Variants in ULK4 observed in about 807,000 individuals in gnomAD.
ULK4 encodes unc-51 like kinase 4.
ULK4 carries 133 observed loss-of-function variants against 160.6 expected under a neutral mutation model. That is an observed-to-expected ratio of 0.83 (90% CI 0.72 to 0.96). The LOEUF is 0.96. ULK4 is among the 40% of genes least tolerant of loss of function. The probability of loss-of-function intolerance (pLI) is 0.00; values close to 1 mark genes in which losing one functional copy is unlikely to be tolerated. For synonymous variants in ULK4, 534 were observed against 539.8 expected, an observed-to-expected ratio of 0.99 and a Z score of 0.15; for missense variants, 1,580 against 1,499.5, an observed-to-expected ratio of 1.05 and a Z score of -0.89.
chr3:41,423,190 A>G (rs2082699458), intron 34 of ULK4, among the ~76,000 whole-genome samples: 1 of 152,214 alleles, frequency 6.6e-6, no homozygotes, highest in African/African-American at 2.4e-5. Context: ...AAAGGATGCA[A>G]GGACACATGC....
At chr3:41,832,276 T>C (rs1189407937) in intron 18 of ULK4, among the ~76,000 whole-genome samples, 1 of 152,244 alleles carries the variant, frequency 6.6e-6, no homozygotes, top group African/African-American at 2.4e-5. Context: ...TTGATTTGCA[T>C]TTCTCTAATC....
chr3:41,660,311 A>C (rs903967289), intron 30 of ULK4, among the ~76,000 whole-genome samples: 6 of 152,050 alleles, frequency 3.9e-5, no homozygotes, highest in African/African-American at 1.5e-4. Context: ...AAAAAAGAAG[A>C]GAGAAAAGAA....
intron 34 of ULK4, among the ~76,000 whole-genome samples, chr3:41,443,002 T>C (rs1261354120): frequency 3.3e-5 from 5 of 152,210 alleles, no homozygotes; most frequent in East Asian, 1.9e-4. Flanking sequence ...CTTTCTAATA[T>C]GGCTCAACTC....
chr3:41,835,634 A>G (rs866153021), intron 18 of ULK4, among the ~76,000 whole-genome samples: 4 of 152,326 alleles, frequency 2.6e-5, no homozygotes, highest in Middle Eastern at 3.4e-3. Flanking sequence ...AACCACCTAC[A>G]TTCTAAAGGA....
At chr3:41,587,223 G>T (rs2125638903) in intron 31 of ULK4, among the ~76,000 whole-genome samples, 1 of 152,184 alleles carries the variant, frequency 6.6e-6, no homozygotes, top group East Asian at 1.9e-4. Context: ...TTGCTCCCTG[G>T]ACCCTTCCAT....
intron 17 of ULK4, among the ~76,000 whole-genome samples, chr3:41,881,736 C>T (rs964599841): frequency 4.6e-5 from 7 of 151,932 alleles, no homozygotes; most frequent in Non-Finnish European, 7.4e-5. Flanking sequence ...TCTTGCATTT[C>T]GAACTAATAA....
intron 34 of ULK4, among the ~76,000 whole-genome samples, chr3:41,419,404 T>C (rs1240852503): frequency 1.3e-5 from 2 of 152,062 alleles, no homozygotes; most frequent in South Asian, 2.1e-4. Flanking sequence ...ACTCAGACAC[T>C]CTCGTGGAGG....
intron 21 of ULK4, among the ~76,000 whole-genome samples, chr3:41,780,982 A>G (rs1159460881): frequency 6.9e-6 from 1 of 145,750 alleles, no homozygotes; most frequent in Non-Finnish European, 1.6e-5. Flanking sequence ...AGATATAAAG[A>G]AAGAGAGGTA....
intron 6 of ULK4, 55 bp from the exon 7 acceptor site, chr3:41,918,595 C>CTTTTTT (rs36064862): frequency 7.1e-5 from 16 of 226,788 alleles, no homozygotes; most frequent in Middle Eastern, 1.6e-3. Context: ...ACCAATAATT[C>CTTTTTT]TTTTTTTTTT....
intron 2 of ULK4, among the ~76,000 whole-genome samples, chr3:41,949,749 CT>C (rs199711554): frequency 0.14 from 18,430 of 134,876 alleles, 1,284 homozygotes; most frequent in Middle Eastern, 0.33. Context: ...TTTTTTCTTT[CT>C]TTTTTTTTGA....
At chr3:41,650,863 A>G (rs1379737406) in intron 30 of ULK4, among the ~76,000 whole-genome samples, 2 of 152,250 alleles carry the variant, frequency 1.3e-5, no homozygotes, top group African/African-American at 2.4e-5. Context: ...CAGGAAAGCC[A>G]AAATTTATCA....
In ULK4 at chr3:41,754,400, A is replaced by G. The variant is rs758939469; in HGVS notation, c.2282T>C (p.Ile761Thr). 3.1e-6 allele frequency: 5 copies of G among 1,613,236 alleles called. No individual in the cohort carries two copies. The highest frequency in any genetic ancestry group is 2.2e-5 in the South Asian group (2 of 90,882). ...KAFLVLLYIL[I>T]YNREMLLLSC... is the part of the protein sequence containing the mutation. ...GAGCAGCAACATCTCACGGTTATAAATCAAAATATATAGAAGAACCAGGAA... is the reference window on the plus strand; with the variant it reads ...GAGCAGCAACATCTCACGGTTATAAGTCAAAATATATAGAAGAACCAGGAA... The change falls in exon 22 of 37, where the codon ATT becomes ACT. Residue 761 changes from isoleucine to threonine, a missense_variant. Physicochemically the swap from Ile to Thr is moderately conservative, Grantham distance 89. Transcript: ENST00000301831.
intron 32 of ULK4, among the ~76,000 whole-genome samples, chr3:41,533,407 T>C (rs1287050151): frequency 6.6e-6 from 1 of 152,248 alleles, no homozygotes; most frequent in East Asian, 1.9e-4. Flanking sequence ...CTCAAATTAT[T>C]TACTCACATG....
At chr3:41,323,752 T>G (rs2080290228) in intron 35 of ULK4, among the ~76,000 whole-genome samples, 1 of 151,082 alleles carries the variant, frequency 6.6e-6, no homozygotes, top group African/African-American at 2.4e-5. Flanking sequence ...TGTAAGGGGG[T>G]TGCATTAAGG....
intron 35 of ULK4, among the ~76,000 whole-genome samples, chr3:41,282,303 A>C (rs1214954495): frequency 2.6e-5 from 4 of 152,230 alleles, no homozygotes; most frequent in Non-Finnish European, 5.9e-5. Context: ...AAACTACTTT[A>C]AAGTTTATAT....
chr3:41,788,848 T>C (rs2040070291), intron 21 of ULK4, among the ~76,000 whole-genome samples: 1 of 152,328 alleles, frequency 6.6e-6, no homozygotes, highest in African/African-American at 2.4e-5. Context: ...ATCATTGCTT[T>C]CCAAATTTAT....
chr3:41,476,619 T>A (rs1312940407), intron 32 of ULK4, among the ~76,000 whole-genome samples: 3 of 152,152 alleles, frequency 2.0e-5, no homozygotes, highest in Non-Finnish European at 4.4e-5. Context: ...CTTTTTTTTT[T>A]ATTTTTTCCT....
intron 22 of ULK4, among the ~76,000 whole-genome samples, chr3:41,740,142 A>G (rs1223968348): frequency 9.2e-5 from 14 of 151,852 alleles, no homozygotes; most frequent in Admixed American, 3.3e-4. Flanking sequence ...TCTTTTTGGT[A>G]TATAATTCTT....
chr3:41,947,957 C>T (rs1388593070), intron 2 of ULK4, among the ~76,000 whole-genome samples: 1 of 152,162 alleles, frequency 6.6e-6, no homozygotes, highest in Non-Finnish European at 1.5e-5. Context: ...AGGAATAAGG[C>T]AAACAGAAAA....
Sources: gnomAD v4.1 joint callset for allele counts (sites outside exome capture counted in the v4.1 genomes callset) on GRCh38, gnomAD v4.1.1 for gene constraint, MANE v1.5 for transcripts, NCBI Gene and HGNC (gene_info 2026-07-23, HGNC 2026-07-21) for gene names.